The following NTAQ1 variants were observed in gnomAD, a reference collection of about 807,000 sequenced individuals.
The protein encoded by NTAQ1 is N-terminal glutamine amidase 1.
In NTAQ1, 21 loss-of-function variants were observed where a neutral mutation model predicts 28.2. That is an observed-to-expected ratio of 0.74 (90% CI 0.53 to 1.07). The LOEUF (loss-of-function observed/expected upper bound fraction) is 1.07, where lower values mean the gene tolerates loss of function less well. Ranked by LOEUF, NTAQ1 falls within the 50% of genes least tolerant of loss-of-function variation. The pLI is 0.00. For missense variants in NTAQ1, 264 were observed against 256.6 expected (o/e 1.03, Z -0.20); for synonymous variants, 105 against 90.0 (o/e 1.17, Z -0.94).
At chr8:123,423,017 T>C (rs1813804487) in intron 1 of NTAQ1, among the ~76,000 whole-genome samples, 1 of 152,240 alleles carries the variant, frequency 6.6e-6, no homozygotes, top group Non-Finnish European at 1.5e-5. Flanking sequence ...TGTCTGTTTT[T>C]GTACCAGTAC....
chr8:123,474,197 G>A (rs556783118), downstream of NTAQ1, among the ~76,000 whole-genome samples: 2 of 152,240 alleles, frequency 1.3e-5, no homozygotes, highest in South Asian at 4.1e-4. Flanking sequence ...GAATTTGCAG[G>A]TTTTCCCATT....
chr8:123,457,047 T>A (rs953838077), intron 6 of NTAQ1, among the ~76,000 whole-genome samples: 6 of 152,156 alleles, frequency 3.9e-5, no homozygotes, highest in African/African-American at 1.2e-4. Flanking sequence ...TAAAATTTTT[T>A]AAAAAATCTA....
intron 6 of NTAQ1, among the ~76,000 whole-genome samples, chr8:123,454,827 G>C: frequency 6.6e-6 from 1 of 152,202 alleles, no homozygotes; most frequent in Non-Finnish European, 1.5e-5. Context: ...TAAGATCAGA[G>C]CATCTGGGGG....
chr8:123,474,879 C>CT (rs1816075254), downstream of NTAQ1, among the ~76,000 whole-genome samples: 1 of 152,170 alleles, frequency 6.6e-6, no homozygotes, highest in Non-Finnish European at 1.5e-5. Context: ...AAGAGCAAAA[C>CT]TCTGTCTCAA....
chr8:123,448,068 T>G (rs916471746), exon 7 of NTAQ1: 3 of 152,172 alleles, frequency 2.0e-5, no homozygotes, highest in African/African-American at 7.2e-5. Flanking sequence ...ATGACTGGAG[T>G]GACCTCGGAA....
chr8:123,473,688 T>C (rs1224775765), downstream of NTAQ1, among the ~76,000 whole-genome samples: 5 of 152,230 alleles, frequency 3.3e-5, no homozygotes, highest in African/African-American at 1.2e-4. Context: ...CATTCCCACG[T>C]AATTTTAGGT....
chr8:123,467,642 A>G (rs747142460), exon 7 of NTAQ1, among the ~76,000 whole-genome samples: 10 of 152,232 alleles, frequency 6.6e-5, no homozygotes, highest in Non-Finnish European at 1.5e-4. Flanking sequence ...TCCTTGGAGC[A>G]GTTAGAACCA....
intron 3 of NTAQ1, among the ~76,000 whole-genome samples, chr8:123,432,828 G>A (rs1041477561): frequency 4.0e-5 from 6 of 151,768 alleles, no homozygotes; most frequent in African/African-American, 1.5e-4. Context: ...TTACAGGCAT[G>A]TGGCACACGC....
chr8:123,449,974 T>TATATATATATGA (rs371673968), downstream of NTAQ1, among the ~76,000 whole-genome samples: 490 of 56,098 alleles, frequency 8.7e-3, 126 homozygotes, highest in Middle Eastern at 0.033. Flanking sequence ...TATATATATA[T>TATATATATATGA]GCTGGATAAA....
chr8:123,445,201 TTG>T (rs1208768703), downstream of NTAQ1, among the ~76,000 whole-genome samples: 4 of 152,272 alleles, frequency 2.6e-5, no homozygotes, highest in East Asian at 7.7e-4. Context: ...TCAGGTTATT[TTG>T]TATCCTTCTT....
intron 2 of NTAQ1, 72 bp from the exon 3 acceptor site, chr8:123,429,906 CAAAAA>C: frequency 1.7e-6 from 1 of 602,444 alleles, no homozygotes; most frequent in Non-Finnish European, 2.4e-6. Context: ...AATCCCGTCT[CAAAAA>C]AAAAAAAAGG....
chr8:123,470,133 A>T (rs1489065552), downstream of NTAQ1, among the ~76,000 whole-genome samples: 1 of 152,190 alleles, frequency 6.6e-6, no homozygotes, highest in Non-Finnish European at 1.5e-5. Flanking sequence ...GCAGCTATCT[A>T]CAAGCCAAGA....
At chr8:123,457,282 G>C (rs1025177365) in intron 6 of NTAQ1, among the ~76,000 whole-genome samples, 1 of 151,970 alleles carries the variant, frequency 6.6e-6, no homozygotes, top group Non-Finnish European at 1.5e-5. Context: ...GACGAGGCTG[G>C]TCTGAAACTC....
At chr8:123,462,400 T>C (rs900969900) in intron 6 of NTAQ1, among the ~76,000 whole-genome samples, 14 of 152,162 alleles carry the variant, frequency 9.2e-5, no homozygotes, top group Admixed American at 3.9e-4. Flanking sequence ...AGAAAGAACA[T>C]TGGGTGGATT....
intron 2 of NTAQ1, 86 bp from the exon 3 acceptor site, chr8:123,429,897 A>G: frequency 1.6e-6 from 1 of 639,294 alleles, no homozygotes; most frequent in Non-Finnish European, 2.3e-6. Flanking sequence ...AAAAAAAAAA[A>G]TCCCGTCTCA....
chr8:123,420,781 T>A (rs963834372), intron 1 of NTAQ1, among the ~76,000 whole-genome samples: 2 of 151,240 alleles, frequency 1.3e-5, no homozygotes, highest in African/African-American at 2.4e-5. Context: ...TTTTATTTGT[T>A]TATTTTTATT....
chr8:123,461,122 G>C (rs1275884398), intron 6 of NTAQ1, among the ~76,000 whole-genome samples: 1 of 152,202 alleles, frequency 6.6e-6, no homozygotes, highest in Admixed American at 6.5e-5. Flanking sequence ...GGGAAGCATG[G>C]AGTTAATACA....
intron 3 of NTAQ1, among the ~76,000 whole-genome samples, chr8:123,430,685 G>T (rs1394360475): frequency 6.6e-6 from 1 of 152,170 alleles, no homozygotes; most frequent in African/African-American, 2.4e-5. Context: ...GGAGGTTGAG[G>T]CAGGAGAATT....
intron 1 of NTAQ1, among the ~76,000 whole-genome samples, chr8:123,420,647 C>G (rs991994965): frequency 3.0e-5 from 4 of 134,260 alleles, no homozygotes; most frequent in Admixed American, 8.9e-5. Flanking sequence ...GCTTACAGTG[C>G]AGTGGCATGA....
Sources: gnomAD v4.1 joint callset for allele counts (sites outside exome capture counted in the v4.1 genomes callset) on GRCh38, gnomAD v4.1.1 for gene constraint, MANE v1.5 for transcripts, NCBI Gene and HGNC (gene_info 2026-07-23, HGNC 2026-07-21) for gene names.